The following ADCY8 variants were observed in gnomAD, a reference collection of about 807,000 sequenced individuals.
ADCY8 encodes adenylate cyclase 8, also known as adenylate cyclase type 8.
ADCY8 carries 51 observed loss-of-function variants against 119.7 expected under a neutral mutation model. The ratio of observed to expected loss-of-function variants is 0.43; its 90% confidence interval spans 0.34 to 0.54. The LOEUF is 0.54. ADCY8 is among the 20% of genes least tolerant of loss of function. ADCY8 has a pLI of 0.03. For missense variants in ADCY8, 1,383 were observed against 1,598.8 expected (o/e 0.87, Z 2.30); for synonymous variants, 665 against 651.0 (o/e 1.02, Z -0.33).
chr8:130,901,242 C>CTTTTTTT (rs34424673), intron 7 of ADCY8, among the ~76,000 whole-genome samples: 3 of 115,564 alleles, frequency 2.6e-5, no homozygotes, highest in Non-Finnish European at 3.4e-5. Flanking sequence ...CATCCCTCCT[C>CTTTTTTT]TTTTTTTTTT....
intron 15 of ADCY8, among the ~76,000 whole-genome samples, chr8:130,791,305 G>GT (rs1352184036): frequency 6.6e-6 from 1 of 152,194 alleles, no homozygotes; most frequent in Non-Finnish European, 1.5e-5. Context: ...ATGCATGCCT[G>GT]TGGGCCTCGG....
chr8:130,851,168 C>T (rs1016310311), intron 9 of ADCY8, among the ~76,000 whole-genome samples: 1 of 152,096 alleles, frequency 6.6e-6, no homozygotes, highest in African/African-American at 2.4e-5. Context: ...GTCTTCTTCC[C>T]AGGTATACAG....
intron 2 of ADCY8, among the ~76,000 whole-genome samples, chr8:130,952,908 C>T (rs1490724766): frequency 1.3e-5 from 2 of 152,172 alleles, no homozygotes; most frequent in Non-Finnish European, 2.9e-5. Context: ...ACCAGGCTTA[C>T]AAGGCACTAG....
intron 2 of ADCY8, among the ~76,000 whole-genome samples, chr8:130,982,973 G>C (rs949055492): frequency 7.2e-5 from 11 of 152,140 alleles, no homozygotes; most frequent in African/African-American, 2.7e-4. Context: ...GAGATTTTCT[G>C]ACTTCTAGCC....
At chr8:131,020,233 AAAAATTGC>A (rs1823621517) in intron 1 of ADCY8, among the ~76,000 whole-genome samples, 1 of 152,182 alleles carries the variant, frequency 6.6e-6, no homozygotes, top group Non-Finnish European at 1.5e-5. Flanking sequence ...ATCATCATAA[AAAAATTGC>A]ACCCTGGTAA....
At chr8:130,938,219 A>G (rs1482271442) in intron 4 of ADCY8, among the ~76,000 whole-genome samples, 4 of 152,084 alleles carry the variant, frequency 2.6e-5, no homozygotes, top group Admixed American at 1.3e-4. Flanking sequence ...CATCTATCAA[A>G]TGGGGATAAT....
intron 12 of ADCY8, among the ~76,000 whole-genome samples, chr8:130,830,606 C>A (rs929056258): frequency 2.0e-5 from 3 of 152,106 alleles, no homozygotes; most frequent in African/African-American, 7.2e-5. Flanking sequence ...GTGTCCATAT[C>A]CTAAATTTTC....
intron 1 of ADCY8, among the ~76,000 whole-genome samples, chr8:131,027,467 A>T (rs1823856222): frequency 6.6e-6 from 1 of 152,084 alleles, no homozygotes; most frequent in African/African-American, 2.4e-5. Context: ...CCCACTGGGG[A>T]GTGTTGGGGT....
chr8:130,818,095 C>T (rs1254335022), intron 13 of ADCY8, among the ~76,000 whole-genome samples: 1 of 152,168 alleles, frequency 6.6e-6, no homozygotes, highest in Non-Finnish European at 1.5e-5. Flanking sequence ...AAACAAAGGA[C>T]AGGGGAATTT....
chr8:130,850,325 GGCATCA>G (rs755227948), intron 9 of ADCY8, among the ~76,000 whole-genome samples: 89 of 152,252 alleles, frequency 5.8e-4, no homozygotes, highest in Admixed American at 1.6e-3. Context: ...CCTTGTCCAA[GGCATCA>G]GCATCACTCT....
Position 131,040,813 on chromosome 8 carries a change from G to C in ADCY8, c.-480C>G, listed in dbSNP as rs879669448. The C allele has an allele frequency of 2.0e-5, 3 of 153,490 alleles. No individual in the cohort carries two copies. Among genetic ancestry groups the C allele is most frequent in the Admixed American group, 1.3e-4 (2 of 15,324 alleles). 9.5% of individuals were successfully genotyped at this position (153,490 alleles called of 1,614,324 possible). On this transcript the variant is annotated 5_prime_UTR_variant, in exon 1 of 18. Transcript: ENST00000286355. ...GACGCCCACTGCTCCGCGGCTGCAGGGGGCCTGGCCGGCGGTGACCGGCGG... is the reference window on the plus strand; with the variant it reads ...GACGCCCACTGCTCCGCGGCTGCAGCGGGCCTGGCCGGCGGTGACCGGCGG...
rs545128584 is a variant in ADCY8, at chr8:130,994,099, T to C, written c.961-3557A>G. Among the ~76,000 whole-genome samples, 6 of 152,368 alleles carry C rather than the reference T, an allele frequency of 3.9e-5. No individual in the cohort carries two copies. The East Asian group carries it at 1.2e-3, about 29-fold the overall frequency. On this transcript the variant is annotated intron_variant, in intron 1 of 17. Coordinates refer to ENST00000286355, the MANE Select transcript of ADCY8 (RefSeq NM_001115.3). ...TCACGTAGAGTTTGATCAACTTTCA[T>C]TGTTCAGCCAGAATTGTGTAAGCTG... is the stretch of plus-strand genomic sequence containing the variant.
At chr8:131,035,654 G>A (rs1276472840) in intron 1 of ADCY8, among the ~76,000 whole-genome samples, 2 of 152,130 alleles carry the variant, frequency 1.3e-5, no homozygotes, top group African/African-American at 4.8e-5. Context: ...AAGAGGGAAA[G>A]CAGATTCTCA....
chr8:131,030,849 G>C (rs901264493), intron 1 of ADCY8, among the ~76,000 whole-genome samples: 1 of 152,124 alleles, frequency 6.6e-6, no homozygotes, highest in African/African-American at 2.4e-5. Flanking sequence ...TAATTATGTC[G>C]CCTGAAATAC....
At chr8:130,948,773 G>A (rs1392850541) in intron 3 of ADCY8, among the ~76,000 whole-genome samples, 4 of 152,102 alleles carry the variant, frequency 2.6e-5, no homozygotes, top group Admixed American at 2.6e-4. Flanking sequence ...TGCTTTGGGG[G>A]CTGGGGAAGC....
intron 8 of ADCY8, among the ~76,000 whole-genome samples, chr8:130,874,040 G>A (rs1455295161): frequency 6.6e-6 from 1 of 152,038 alleles, no homozygotes; most frequent in Non-Finnish European, 1.5e-5. Context: ...GGGAGCGGTG[G>A]CTCATGCCTG....
chr8:130,898,953 A>G (rs886510966), intron 7 of ADCY8, among the ~76,000 whole-genome samples: 1 of 152,118 alleles, frequency 6.6e-6, no homozygotes, highest in Non-Finnish European at 1.5e-5. Flanking sequence ...TACCCTTTCT[A>G]TCACTTCTGG....
chr8:131,007,269 T>C (rs7845934), intron 1 of ADCY8, among the ~76,000 whole-genome samples: 6,781 of 152,198 alleles, frequency 0.045, 542 homozygotes, highest in African/African-American at 0.15. Flanking sequence ...TAGGCAAAAT[T>C]TGCAAGTACT....
intron 9 of ADCY8, 73 bp downstream of exon 9, chr8:130,867,773 G>T (rs2130389923): frequency 1.8e-6 from 2 of 1,089,676 alleles, no homozygotes; most frequent in Non-Finnish European, 1.4e-6. Context: ...TCTTTGAAAA[G>T]TCAGCTGGCT....
Sources: allele counts gnomAD v4.1 joint callset (sites outside exome capture counted in the v4.1 genomes callset), GRCh38; gene constraint gnomAD v4.1.1; transcripts MANE v1.5; gene names NCBI Gene and HGNC (gene_info 2026-07-23, HGNC 2026-07-21).